Variants in SRFBP1 observed in about 807,000 individuals in gnomAD.
SRFBP1 encodes the protein serum response factor binding protein 1.
In SRFBP1, 47 loss-of-function variants were observed where a neutral mutation model predicts 45.5. The observed-to-expected ratio is 1.03, with a 90% CI of 0.82 to 1.32. The LOEUF (loss-of-function observed/expected upper bound fraction) is 1.32, where lower values mean the gene tolerates loss of function less well. Among genes scored for constraint, SRFBP1 ranks in the 40% most tolerant of loss-of-function variants. The probability of loss-of-function intolerance (pLI) is 0.00; values close to 1 mark genes in which losing one functional copy is unlikely to be tolerated. For missense variants in SRFBP1, 621 were observed against 484.6 expected (o/e 1.28, Z -2.64); for synonymous variants, 203 against 166.3 (o/e 1.22, Z -1.70).
At position 122,057,459 on chromosome 5, in the gene SRFBP1, C is replaced by CTGTG. The variant is rs3028227; in HGVS notation, n.312-17824_312-17821dup. ...TATGCCATTTGGATTGTTCTCAGTT[C>CTGTG]TGTGTGTGTGTGTGTGTGTGTGTGT... On this transcript the variant is annotated intron_variant and non_coding_transcript_variant, in intron 2 of 2. Transcript: ENST00000504881. Among the ~76,000 whole-genome samples, 179 of 146,522 alleles carry CTGTG rather than the reference C, an allele frequency of 1.2e-3. 3 individuals are homozygous for CTGTG. Among genetic ancestry groups the CTGTG allele is most frequent in the South Asian group, 0.01 (46 of 4,504 alleles).
chr5:121,965,156 G>T (rs1250077655), intron 1 of SRFBP1, among the ~76,000 whole-genome samples: 4 of 152,152 alleles, frequency 2.6e-5, no homozygotes, highest in Non-Finnish European at 5.9e-5. Flanking sequence ...TCACTCTGAT[G>T]ATAGTTGCTT....
intron 4 of SRFBP1, among the ~76,000 whole-genome samples, chr5:122,001,778 G>A (rs990743186): frequency 1.1e-4 from 17 of 151,614 alleles, no homozygotes; most frequent in Admixed American, 9.9e-4. Context: ...AGCCAGGATG[G>A]TCTCGATCTC....
At chr5:122,036,913 A>C (rs1206815888) in intron 2 of SRFBP1, among the ~76,000 whole-genome samples, 1 of 146,272 alleles carries the variant, frequency 6.8e-6, no homozygotes, top group African/African-American at 2.5e-5. Flanking sequence ...TTTTTTTAAG[A>C]GATGGAGTTT....
At chr5:122,071,401 A>ACT (rs1458377280) in intron 2 of SRFBP1, among the ~76,000 whole-genome samples, 2 of 151,898 alleles carry the variant, frequency 1.3e-5, no homozygotes, top group African/African-American at 2.4e-5. Flanking sequence ...ACCCCACTAT[A>ACT]CTCTCTCTCA....
chr5:122,023,972 A>C (rs901170387), intron 7 of SRFBP1, among the ~76,000 whole-genome samples: 1 of 152,104 alleles, frequency 6.6e-6, no homozygotes, highest in Non-Finnish European at 1.5e-5. Context: ...AATTAATCAG[A>C]TTTGGATGGG....
In SRFBP1 at chr5:122,020,519, G is replaced by A; in HGVS notation, c.784G>A (p.Asp262Asn). Reference protein sequence around the residue: ...EFCEEEKEYFDDSTEERFYKQ... With the variant: ...EFCEEEKEYFNDSTEERFYKQ... ...TTGTGAAGAGGAGAAGGAATATTTT[G>A]ATGATAGCACAGAAGAAAGGTTTTA... Residue 262 changes from aspartate (D) to asparagine (N), a missense_variant, in exon 6 of 8, where the codon GAT becomes AAT. Coordinates refer to ENST00000339397, the MANE Select transcript of SRFBP1 (RefSeq NM_152546.3). The A allele has an allele frequency of 6.2e-7, 1 of 1,614,168 alleles. No homozygotes were observed. Among genetic ancestry groups the A allele is most frequent in the South Asian group, 1.1e-5 (1 of 91,082 alleles).
intron 1 of SRFBP1, among the ~76,000 whole-genome samples, chr5:121,967,248 A>G (rs938263927): frequency 1.3e-5 from 2 of 152,208 alleles, no homozygotes; most frequent in African/African-American, 2.4e-5. Flanking sequence ...CCACGTTTGT[A>G]TGCGCTTATG....
At chr5:122,074,898 C>T (rs1276327926) in intron 2 of SRFBP1, among the ~76,000 whole-genome samples, 1 of 152,132 alleles carries the variant, frequency 6.6e-6, no homozygotes, top group Non-Finnish European at 1.5e-5. Flanking sequence ...GATAGAATTA[C>T]CTTATGCAAA....
At position 122,003,935 on chromosome 5, in the gene SRFBP1, T is replaced by C. The variant is rs2112687781; in HGVS notation, c.270+9265T>C. Among the ~76,000 whole-genome samples the C allele has an allele frequency of 2.0e-5, 3 of 152,224 alleles. No homozygotes were observed. The East Asian group carries it at 5.8e-4, about 29-fold the overall frequency. On this transcript the variant is annotated intron_variant, in intron 4 of 7. Coordinates refer to ENST00000339397, the MANE Select transcript of SRFBP1 (RefSeq NM_152546.3). ...ACTTGCTAGTGAGTTTCCTTTTGTT[T>C]GTTTCTATGTTTTATTTGAGACAGG...
At chr5:122,034,773 TAA>T (rs946995434) in intron 2 of SRFBP1, among the ~76,000 whole-genome samples, 6 of 145,782 alleles carry the variant, frequency 4.1e-5, no homozygotes, top group Non-Finnish European at 9.1e-5. Context: ...GCAGATTTCT[TAA>T]AAAAAAAAAG....
intron 4 of SRFBP1, among the ~76,000 whole-genome samples, chr5:122,013,095 A>G (rs1196705940): frequency 6.6e-6 from 1 of 152,108 alleles, no homozygotes; most frequent in African/African-American, 2.4e-5. Flanking sequence ...GTCCCTCTTC[A>G]AAGTTGTTAT....
chr5:122,067,867 G>A (rs894790597), intron 2 of SRFBP1, among the ~76,000 whole-genome samples: 3 of 151,902 alleles, frequency 2.0e-5, no homozygotes, highest in African/African-American at 7.3e-5. Flanking sequence ...CAATTCAAAT[G>A]TATCCTAAAG....
At chr5:122,021,514 AAAAATGTCACAGT>A (rs1753320772) in intron 6 of SRFBP1, among the ~76,000 whole-genome samples, 1 of 152,190 alleles carries the variant, frequency 6.6e-6, no homozygotes, top group Non-Finnish European at 1.5e-5. Flanking sequence ...AAAATTTTTC[AAAAATGTCACAGT>A]ATGGCAAAGA....
At chr5:122,002,696 G>A (rs1052990200) in intron 4 of SRFBP1, among the ~76,000 whole-genome samples, 3 of 151,930 alleles carry the variant, frequency 2.0e-5, no homozygotes, top group East Asian at 1.9e-4. Flanking sequence ...AGAATATTGC[G>A]AATATTGAGA....
chr5:122,001,651 T>TC (rs1467422352), intron 4 of SRFBP1, among the ~76,000 whole-genome samples: 2 of 150,106 alleles, frequency 1.3e-5, no homozygotes, highest in African/African-American at 4.9e-5. Flanking sequence ...AAGCTCCGCT[T>TC]CCCGGGTTCA....
intron 4 of SRFBP1, among the ~76,000 whole-genome samples, chr5:121,997,580 A>G (rs932136824): frequency 1.3e-5 from 2 of 151,646 alleles, no homozygotes; most frequent in African/African-American, 4.8e-5. Context: ...AAACCTAGGC[A>G]TTACCATTCA....
downstream of SRFBP1, chr5:122,078,023 G>A: frequency 2.1e-6 from 3 of 1,432,708 alleles, no homozygotes; most frequent in Non-Finnish European, 2.7e-6. Flanking sequence ...CGAGGAGGAC[G>A]TGGCTCACAG....
intron 3 of SRFBP1, among the ~76,000 whole-genome samples, chr5:121,988,399 C>A (rs1752558150): frequency 6.6e-6 from 1 of 152,054 alleles, no homozygotes; most frequent in South Asian, 2.1e-4. Flanking sequence ...GTTATACTCA[C>A]AAAAAGTTTA....
At chr5:122,045,580 T>C (rs908304848) in intron 2 of SRFBP1, among the ~76,000 whole-genome samples, 4 of 152,206 alleles carry the variant, frequency 2.6e-5, no homozygotes, top group African/African-American at 9.6e-5. Context: ...CCTCAATAGT[T>C]AGCTGTATTC....
Sources: gnomAD v4.1 joint callset for allele counts (sites outside exome capture counted in the v4.1 genomes callset) on GRCh38, gnomAD v4.1.1 for gene constraint, MANE v1.5 for transcripts, NCBI Gene and HGNC (gene_info 2026-07-23, HGNC 2026-07-21) for gene names.